MAP3K20: variants seen among roughly 807,000 people sequenced by gnomAD.
The protein encoded by MAP3K20 is mitogen-activated protein kinase kinase kinase 20, also known as HCCS-4.
In MAP3K20, 40 loss-of-function variants were observed where a neutral mutation model predicts 85.7. The observed-to-expected ratio is 0.47, with a 90% CI of 0.36 to 0.61. MAP3K20 has a LOEUF of 0.61. MAP3K20 is among the 20% of genes least tolerant of loss of function. The pLI, the probability that MAP3K20 is intolerant of heterozygous loss-of-function variation, is 0.00. For synonymous variants in MAP3K20, 325 were observed against 327.7 expected (o/e 0.99, Z 0.09); for missense variants, 817 against 961.7 (o/e 0.85, Z 1.99).
At chr2:173,094,376 A>G (rs1559228220) in intron 2 of MAP3K20, among the ~76,000 whole-genome samples, 1 of 152,202 alleles carries the variant, frequency 6.6e-6, no homozygotes, top group Non-Finnish European at 1.5e-5. Flanking sequence ...CCAAAACACA[A>G]CCACAGTACA....
At chr2:173,174,377 G>C (rs970521328) in intron 3 of MAP3K20, among the ~76,000 whole-genome samples, 4 of 151,970 alleles carry the variant, frequency 2.6e-5, no homozygotes, top group Admixed American at 6.6e-5. Flanking sequence ...CCCCCGACAG[G>C]CCCTGGTGTG....
intron 11 of MAP3K20, chr2:173,222,745 G>T (rs369961747): frequency 2.0e-6 from 2 of 985,296 alleles, no homozygotes; most frequent in Non-Finnish European, 2.4e-6. Context: ...AGCCTACCAG[G>T]GTTGTTTTTT....
chr2:173,216,160 G>T (rs1273555156), intron 10 of MAP3K20, among the ~76,000 whole-genome samples: 2 of 152,028 alleles, frequency 1.3e-5, no homozygotes, highest in African/African-American at 4.8e-5. Flanking sequence ...TCAAAACATA[G>T]ATTTAGACTT....
intron 11 of MAP3K20, chr2:173,223,451 T>C: frequency 2.0e-6 from 2 of 985,376 alleles, no homozygotes; most frequent in Non-Finnish European, 2.4e-6. Flanking sequence ...TTAGCTACTA[T>C]GAATGGTGCC....
At chr2:173,084,680 G>T (rs556787177) in intron 1 of MAP3K20, among the ~76,000 whole-genome samples, 2 of 152,130 alleles carry the variant, frequency 1.3e-5, no homozygotes, top group Non-Finnish European at 2.9e-5. Context: ...TTCTGAAAAT[G>T]GGGAGAGGAA....
chr2:173,215,315 G>A (rs774559753), intron 10 of MAP3K20, among the ~76,000 whole-genome samples: 36 of 152,268 alleles, frequency 2.4e-4, no homozygotes, highest in South Asian at 8.3e-4. Flanking sequence ...CCGCCTCACT[G>A]ACTGAAGATG....
In MAP3K20 at chr2:173,105,860, T is replaced by C. The variant is rs949973266; in HGVS notation, c.159+14670T>C. Among the ~76,000 whole-genome samples the C allele has an allele frequency of 2.0e-5, 3 of 152,160 alleles. No homozygotes were observed. In the South Asian group the frequency reaches 6.2e-4, roughly 32 times the overall value. ...GATGAGAGTTGCACAACAGTGTGAG[T>C]GTAATTAACGCCCCTGAATTATGCA... On this transcript the variant is annotated intron_variant, in intron 2 of 19. Coordinates refer to ENST00000375213, the MANE Select transcript of MAP3K20 (RefSeq NM_016653.3).
intron 16 of MAP3K20, among the ~76,000 whole-genome samples, chr2:173,247,217 T>G (rs1301357226): frequency 6.6e-6 from 1 of 152,194 alleles, no homozygotes; most frequent in East Asian, 1.9e-4. Flanking sequence ...TGCTTCCCAC[T>G]TGTATTGTGC....
intron 1 of MAP3K20, among the ~76,000 whole-genome samples, chr2:173,077,778 C>T (rs946575921): frequency 1.2e-4 from 18 of 151,994 alleles, no homozygotes; most frequent in Admixed American, 2.0e-4. Flanking sequence ...TATATAAGGA[C>T]ACAGTAAAGA....
intron 2 of MAP3K20, among the ~76,000 whole-genome samples, chr2:173,092,980 A>G (rs527317833): frequency 6.6e-6 from 1 of 152,322 alleles, no homozygotes; most frequent in Admixed American, 6.5e-5. Flanking sequence ...AGCATAACTC[A>G]TAAACCTGTA....
At chr2:173,172,654 G>A (rs1470829000) in intron 3 of MAP3K20, among the ~76,000 whole-genome samples, 1 of 152,104 alleles carries the variant, frequency 6.6e-6, no homozygotes, top group Non-Finnish European at 1.5e-5. Context: ...GGGAGCCAGG[G>A]AAGAGACTAA....
intron 11 of MAP3K20, chr2:173,226,098 C>T: frequency 1.0e-6 from 1 of 981,454 alleles, no homozygotes. Flanking sequence ...GGTTTTTAAC[C>T]AGTGATTTTT....
intron 2 of MAP3K20, among the ~76,000 whole-genome samples, chr2:173,117,499 C>T (rs750481018): frequency 7.2e-5 from 11 of 152,112 alleles, no homozygotes; most frequent in Non-Finnish European, 1.3e-4. Context: ...AGGCTGGTCT[C>T]GAACTCCTGG....
intron 11 of MAP3K20, chr2:173,227,086 A>G (rs1054450255): frequency 3.0e-6 from 3 of 985,726 alleles, no homozygotes; most frequent in Non-Finnish European, 3.6e-6. Context: ...TTTGATGTGA[A>G]CTTTTCTTTG....
At chr2:173,145,594 A>C (rs11891961) in intron 2 of MAP3K20, among the ~76,000 whole-genome samples, 3,865 of 152,266 alleles carry the variant, frequency 0.025, 203 homozygotes, top group African/African-American at 0.089. Flanking sequence ...AGAAAGGCTA[A>C]AATTTAAAAA....
intron 2 of MAP3K20, among the ~76,000 whole-genome samples, chr2:173,110,193 T>C (rs1267842201): frequency 9.6e-6 from 1 of 104,050 alleles, no homozygotes; most frequent in African/African-American, 3.8e-5. Flanking sequence ...ATATAATATA[T>C]GTTATACATA....
At chr2:173,135,973 T>G (rs902964323) in intron 2 of MAP3K20, among the ~76,000 whole-genome samples, 1 of 152,242 alleles carries the variant, frequency 6.6e-6, no homozygotes, top group African/African-American at 2.4e-5. Context: ...TGTGAGCATC[T>G]AAGTGGTTGG....
intron 14 of MAP3K20, 115 bp from the exon 15 acceptor site, chr2:173,238,258 C>A (rs1413977510): frequency 2.4e-6 from 2 of 831,276 alleles, no homozygotes; most frequent in East Asian, 2.6e-5. Flanking sequence ...TATAAATGCC[C>A]CCAAGATATT....
At chr2:173,191,674 C>CT (rs1690655226) in intron 7 of MAP3K20, among the ~76,000 whole-genome samples, 1 of 152,232 alleles carries the variant, frequency 6.6e-6, no homozygotes, top group Non-Finnish European at 1.5e-5. Flanking sequence ...AGAAAATGTA[C>CT]TTAGCACTTA....
Sources: allele counts gnomAD v4.1 joint callset (sites outside exome capture counted in the v4.1 genomes callset), GRCh38; gene constraint gnomAD v4.1.1; transcripts MANE v1.5; gene names NCBI Gene and HGNC (gene_info 2026-07-23, HGNC 2026-07-21).